OR14A16: variants seen among roughly 807,000 people sequenced by gnomAD.
OR14A16 encodes the protein olfactory receptor 14A16.
For synonymous variants in OR14A16, 135 were observed against 137.6 expected, an observed-to-expected ratio of 0.98 and a Z score of 0.13; for missense variants, 341 against 366.5, an observed-to-expected ratio of 0.93 and a Z score of 0.57.
chr1:247,822,827 A>T (rs12130569), intron 1 of OR14A16, among the ~76,000 whole-genome samples: 1 of 152,076 alleles, frequency 6.6e-6, no homozygotes, highest in Admixed American at 6.5e-5. Flanking sequence ...CAAAGACTGA[A>T]CTTATCAATA....
intron 1 of OR14A16, among the ~76,000 whole-genome samples, chr1:247,822,313 G>GT (rs1479081896): frequency 4.2e-5 from 2 of 47,242 alleles, no homozygotes; most frequent in African/African-American, 2.1e-4. Context: ...TGTGTGTGTG[G>GT]CGGGGGGGGA....
Position 247,814,791 on chromosome 1 carries a change from C to T in OR14A16, c.*9G>A. ...GTATCTATTATTGAAAGAAGAAAAG[C>T]AACAGCTTTTACTTTTTGGTGAGCT... On this transcript the variant is annotated 3_prime_UTR_variant, in exon 3 of 3. Coordinates refer to ENST00000641093, the MANE Select transcript of OR14A16 (RefSeq NM_001001966.2). 1 of 1,499,520 alleles carries T rather than the reference C, an allele frequency of 6.7e-7. No individual in the cohort carries two copies. Among genetic ancestry groups the T allele is most frequent in the Non-Finnish European group, 8.9e-7 (1 of 1,118,804 alleles). The allele number at this position is 1,499,520 out of a possible 1,614,324, so 92.9% of individuals were successfully genotyped here.
Position 247,819,166 on chromosome 1 carries a change from T to G in OR14A16, c.-119A>C, listed in dbSNP as rs1558335404. 1 of 152,214 alleles carries G rather than the reference T, an allele frequency of 6.6e-6. No individual in the cohort carries two copies. The highest frequency in any genetic ancestry group is 1.5e-5 in the Non-Finnish European group (1 of 68,040). 9.4% of individuals were successfully genotyped at this position (152,214 alleles called of 1,614,324 possible). A position where few individuals can be genotyped will look rare whatever the true frequency, so the allele number is the denominator to read the frequency against. On this transcript the variant is annotated 5_prime_UTR_variant, in exon 2 of 3. Transcript: ENST00000641093. ...GAGTGCTTACTAAAGGCCAGATCTT[T>G]CTGTTGGCAAACTTCAGTGAAAACA...
chr1:247,823,238 C>T (rs1662773095), intron 1 of OR14A16, among the ~76,000 whole-genome samples: 1 of 152,052 alleles, frequency 6.6e-6, no homozygotes, highest in South Asian at 2.1e-4. Flanking sequence ...GCCTGTAATC[C>T]CAATGTTTTG....
Position 247,815,465 on chromosome 1 carries a change from AGTT to A in OR14A16, c.262_264del (p.Asn88del). 1.2e-6 allele frequency: 2 copies of A among 1,614,040 alleles called. No individual in the cohort carries two copies. Among genetic ancestry groups the A allele is most frequent in the Non-Finnish European group, 1.7e-6 (2 of 1,180,016 alleles). On this transcript the variant is annotated inframe_deletion, in exon 3 of 3. Coordinates refer to ENST00000641093, the MANE Select transcript of OR14A16 (RefSeq NM_001001966.2). ...GAAACACAGCCAAGGAATGAAATGG[AGTT>A]GTTGTGTATCAAAGAATTGGCGATA...
chr1:247,818,026 G>A (rs1281260911), intron 2 of OR14A16, among the ~76,000 whole-genome samples: 1 of 152,030 alleles, frequency 6.6e-6, no homozygotes, highest in Admixed American at 6.6e-5. Context: ...AATAATTTGA[G>A]CATCAGAGAA....
In OR14A16 at chr1:247,815,548, A is replaced by G; in HGVS notation, c.182T>C (p.Leu61Ser). ...HHLHTPVYFFLKNLSFLDLCL... is the reference protein window; with the variant it reads ...HHLHTPVYFFSKNLSFLDLCL... Reference sequence around the variant, plus strand: ...GAGATCCAAGAAAGATAGATTCTTCAAGAAGAAATACACGGGGGTGTGGAG... The same window carrying G: ...GAGATCCAAGAAAGATAGATTCTTCGAGAAGAAATACACGGGGGTGTGGAG... Residue 61 changes from leucine to serine, a missense_variant, in exon 3 of 3, where the codon TTG (leucine) becomes TCG (serine). Leu to Ser is a moderately radical substitution (Grantham distance 145, BLOSUM62 -2). Transcript: ENST00000641093. 1 of 1,614,124 alleles carries G rather than the reference A, an allele frequency of 6.2e-7. No individual in the cohort carries two copies. The highest frequency in any genetic ancestry group is 8.5e-7 in the Non-Finnish European group (1 of 1,179,968).
chr1:247,819,347 G>A (rs778222401), intron 1 of OR14A16, among the ~76,000 whole-genome samples, 170 bp from the exon 2 acceptor site: 2 of 151,866 alleles, frequency 1.3e-5, no homozygotes, highest in African/African-American at 4.8e-5. Flanking sequence ...ACACAGGTGG[G>A]GGTATAACAG....
At chr1:247,815,806 A>C in intron 2 of OR14A16, 62 bp from the exon 3 acceptor site, 1 of 643,646 alleles carries the variant, frequency 1.6e-6, no homozygotes, top group Non-Finnish European at 2.6e-6. Flanking sequence ...TATTAAATAT[A>C]TATAACACAT....
At chr1:247,818,199 AC>A (rs1034511444) in intron 2 of OR14A16, among the ~76,000 whole-genome samples, 1 of 152,134 alleles carries the variant, frequency 6.6e-6, no homozygotes, top group African/African-American at 2.4e-5. Flanking sequence ...TAATGATCTT[AC>A]CCCAATTAAA....
In OR14A16 at chr1:247,815,003, A is replaced by C. The variant is rs1662580344; in HGVS notation, c.727T>G (p.Leu243Val). 1 of 1,614,046 alleles carries C rather than the reference A, an allele frequency of 6.2e-7. No homozygotes were observed. The highest frequency in any genetic ancestry group is 1.3e-5 in the African/African-American group (1 of 75,036). ...GTGGAAAGAAATAACACAACCAGCA[A>C]GTGTGGAAGGCAAATAGAGTAGGCT... ...SKAYSICLPH[L>V]LVVLFLSTGF... Residue 243 changes from leucine to valine, a missense_variant, in exon 3 of 3, where the codon TTG (leucine) becomes GTG (valine). Leu to Val is a conservative substitution (Grantham distance 32, BLOSUM62 1). Transcript: ENST00000641093.
chr1:247,822,483 G>A (rs373811919), intron 1 of OR14A16, among the ~76,000 whole-genome samples: 2,080 of 28,378 alleles, frequency 0.073, 36 homozygotes, highest in African/African-American at 0.17. Context: ...CTTGCACCAA[G>A]GGCTCTTGGG....
At chr1:247,817,360 T>C (rs928074653) in intron 2 of OR14A16, among the ~76,000 whole-genome samples, 2 of 152,192 alleles carry the variant, frequency 1.3e-5, no homozygotes, top group African/African-American at 4.8e-5. Flanking sequence ...TAAAAATAAA[T>C]GTTAGGATTT....
chr1:247,822,405 T>C (rs74152824), intron 1 of OR14A16, among the ~76,000 whole-genome samples: 17,666 of 150,800 alleles, frequency 0.12, 1,892 homozygotes, highest in African/African-American at 0.29. Flanking sequence ...TCTTCAGGAG[T>C]GAGATGCCTC....
intron 1 of OR14A16, among the ~76,000 whole-genome samples, chr1:247,823,149 ATTTC>A (rs1467764630): frequency 6.6e-6 from 1 of 152,052 alleles, no homozygotes; most frequent in African/African-American, 2.4e-5. Context: ...AGTTGGAGTA[ATTTC>A]TTAACTTTTG....
At chr1:247,819,494 G>A (rs556415949) in intron 1 of OR14A16, among the ~76,000 whole-genome samples, 1 of 152,278 alleles carries the variant, frequency 6.6e-6, no homozygotes, top group South Asian at 2.1e-4. Flanking sequence ...TACTGTGAGT[G>A]AGAGAAAAAT....
At position 247,814,785 on chromosome 1, in the gene OR14A16, G is replaced by T; in HGVS notation, c.*15C>A. The T allele has an allele frequency of 6.8e-7, 1 of 1,480,068 alleles. No individual in the cohort carries two copies. The highest frequency in any genetic ancestry group is 9.1e-7 in the Non-Finnish European group (1 of 1,103,870). 91.7% of individuals were successfully genotyped at this position (1,480,068 alleles called of 1,614,324 possible). ...TAAATGGTATCTATTATTGAAAGAA[G>T]AAAAGCAACAGCTTTTACTTTTTGG... On this transcript the variant is annotated 3_prime_UTR_variant, in exon 3 of 3. Transcript: ENST00000641093.
intron 2 of OR14A16, among the ~76,000 whole-genome samples, chr1:247,817,487 A>G (rs78216907): frequency 0.042 from 6,399 of 152,268 alleles, 166 homozygotes; most frequent in South Asian, 0.055. Context: ...TTCATCTTAC[A>G]GCATCACTAA....
rs2103284419 is a variant in OR14A16 at position 247,819,052 on chromosome 1, A to G, written c.-16+11T>C. 1 of 152,338 alleles carries G rather than the reference A, an allele frequency of 6.6e-6. No individual in the cohort carries two copies. Among genetic ancestry groups the G allele is most frequent in the African/African-American group, 2.4e-5 (1 of 41,572 alleles). 9.4% of individuals were successfully genotyped at this position (152,338 alleles called of 1,614,324 possible). A position where few individuals can be genotyped will look rare whatever the true frequency, so the allele number is the denominator to read the frequency against. Reference sequence around the variant, plus strand: ...AAAATATAATGAGTTTTCTTTTAAAAAATGACTTACTCTATACCTCCAATC... The same window carrying G: ...AAAATATAATGAGTTTTCTTTTAAAGAATGACTTACTCTATACCTCCAATC... On this transcript the variant is annotated intron_variant, in intron 2 of 2. Coordinates refer to ENST00000641093, the MANE Select transcript of OR14A16 (RefSeq NM_001001966.2).
Sources: allele counts gnomAD v4.1 joint callset (sites outside exome capture counted in the v4.1 genomes callset), GRCh38; gene constraint gnomAD v4.1.1; transcripts MANE v1.5; gene names NCBI Gene and HGNC (gene_info 2026-07-23, HGNC 2026-07-21).